Variants in CLUL1 observed in about 807,000 individuals in gnomAD.
CLUL1 encodes the protein clusterin like 1.
In CLUL1, 43 loss-of-function variants were observed where a neutral mutation model predicts 49.4. The observed-to-expected ratio is 0.87, with a 90% CI of 0.68 to 1.12. The LOEUF is 1.12. Ranked by LOEUF, CLUL1 falls within the 50% of genes most tolerant of loss-of-function variation. The pLI is 0.00. For synonymous variants in CLUL1, 192 were observed against 184.9 expected (o/e 1.04, Z -0.31); for missense variants, 486 against 544.4 (o/e 0.89, Z 1.07).
At chr18:622,456 CAATGCCAGGTTAAT>C (rs2073516756) in intron 4 of CLUL1, among the ~76,000 whole-genome samples, 1 of 152,150 alleles carries the variant, frequency 6.6e-6, no homozygotes, top group Non-Finnish European at 1.5e-5. Context: ...ATGCCTGGCT[CAATGCCAGGTTAAT>C]ATAGCGCTTT....
At chr18:645,520 G>C (rs949567019) in intron 9 of CLUL1, among the ~76,000 whole-genome samples, 1 of 151,946 alleles carries the variant, frequency 6.6e-6, no homozygotes, top group Non-Finnish European at 1.5e-5. Context: ...TGTTGGCCGG[G>C]CGCAGTGGCT....
At chr18:638,501 A>G (rs1335868397) in intron 7 of CLUL1, among the ~76,000 whole-genome samples, 1 of 152,190 alleles carries the variant, frequency 6.6e-6, no homozygotes, top group African/African-American at 2.4e-5. Flanking sequence ...AGAATGTCCT[A>G]ATGTGCTCCC....
chr18:598,365 G>A (rs1032303429), intron 1 of CLUL1: 2 of 391,584 alleles, frequency 5.1e-6, no homozygotes, highest in Middle Eastern at 6.4e-4. Context: ...ACAGTGAGAT[G>A]TGGCTGTTTC....
chr18:597,524 G>A (rs2143897526), intron 1 of CLUL1: 1 of 152,340 alleles, frequency 6.6e-6, no homozygotes, highest in East Asian at 1.9e-4. Flanking sequence ...TCAGGAGTTG[G>A]AGGCCAGCCT....
Position 626,203 on chromosome 18 carries a change from C to G in CLUL1, c.424-894C>G, listed in dbSNP as rs575263320. ...TCTTGGCTTACTGCAGCCTCCACCT[C>G]CTGGGTTCAAGTGATTCTCCTGCCT... On this transcript the variant is annotated intron_variant, in intron 5 of 9. Transcript: ENST00000692774. 5.3e-5 allele frequency among the ~76,000 whole-genome samples: 8 copies of G among 152,248 alleles called. No homozygotes were observed. The East Asian group carries it at 1.5e-3, about 29-fold the overall frequency.
At chr18:610,834 C>T (rs2073112752) in intron 2 of CLUL1, among the ~76,000 whole-genome samples, 1 of 151,898 alleles carries the variant, frequency 6.6e-6, no homozygotes, top group Non-Finnish European at 1.5e-5. Flanking sequence ...TCCAGGAGTT[C>T]GAGACCAGCC....
intron 7 of CLUL1, 72 bp from the exon 8 acceptor site, chr18:641,255 C>T: frequency 2.3e-6 from 3 of 1,293,872 alleles, no homozygotes; most frequent in Non-Finnish European, 3.3e-6. Context: ...AGGGCTGGGA[C>T]TTAAGCCCAT....
intron 9 of CLUL1, among the ~76,000 whole-genome samples, chr18:647,550 C>A (rs1320148129): frequency 6.6e-6 from 1 of 152,148 alleles, no homozygotes; most frequent in Non-Finnish European, 1.5e-5. Context: ...GAAGCAGCTG[C>A]AGTTGTTTTT....
intron 9 of CLUL1, among the ~76,000 whole-genome samples, chr18:646,013 G>GTAA (rs1238581980): frequency 6.6e-6 from 1 of 150,938 alleles, no homozygotes; most frequent in Non-Finnish European, 1.5e-5. Flanking sequence ...AGTCTTGGAG[G>GTAA]TAATAGTATT....
In CLUL1 at chr18:641,311, C is replaced by T; in HGVS notation, c.995-16C>T. Reference sequence around the variant, plus strand: ...ATGGACTTTTTCCTTCTCCACATTACTTTCTTCTCTGCTAGACTGTCCTGA... The same window carrying T: ...ATGGACTTTTTCCTTCTCCACATTATTTTCTTCTCTGCTAGACTGTCCTGA... On this transcript the variant is annotated splice_polypyrimidine_tract_variant and intron_variant, in intron 7 of 9. Coordinates refer to ENST00000692774, the MANE Select transcript of CLUL1 (RefSeq NM_001393344.1). The T allele has an allele frequency of 6.2e-7, 1 of 1,612,136 alleles. No individual in the cohort carries two copies. The highest frequency in any genetic ancestry group is 1.3e-5 in the African/African-American group (1 of 75,022).
chr18:633,741 A>G (rs1160933905), intron 7 of CLUL1, among the ~76,000 whole-genome samples: 2 of 152,002 alleles, frequency 1.3e-5, no homozygotes, highest in East Asian at 3.9e-4. Context: ...GCTAATTTAA[A>G]GAGAGTGACG....
chr18:637,302 A>C (rs371403893), intron 7 of CLUL1, among the ~76,000 whole-genome samples: 1 of 151,748 alleles, frequency 6.6e-6, no homozygotes, highest in East Asian at 1.9e-4. Flanking sequence ...CTGGGTTCTT[A>C]TTGACACTGA....
At chr18:619,019 G>T (rs1455651982) in intron 3 of CLUL1, among the ~76,000 whole-genome samples, 194 bp from the exon 4 acceptor site, 2 of 152,178 alleles carry the variant, frequency 1.3e-5, no homozygotes, top group African/African-American at 4.8e-5. Flanking sequence ...TCACAAGTGA[G>T]GAGTAGAAGG....
chr18:625,293 T>A (rs1310677614), intron 5 of CLUL1, among the ~76,000 whole-genome samples: 1 of 152,176 alleles, frequency 6.6e-6, no homozygotes, highest in Non-Finnish European at 1.5e-5. Flanking sequence ...TTTGTGAACA[T>A]GTTCCCACTA....
intron 2 of CLUL1, among the ~76,000 whole-genome samples, chr18:614,128 T>C (rs2073220929): frequency 3.9e-5 from 6 of 152,236 alleles, no homozygotes; most frequent in Admixed American, 3.9e-4. Context: ...CAGTGATCTT[T>C]ATGTCCATCG....
At position 598,481 on chromosome 18, in the gene CLUL1, C is replaced by T. The variant is rs113942348; in HGVS notation, c.-136+1352C>T. On this transcript the variant is annotated intron_variant, in intron 1 of 9. Transcript: ENST00000692774. ...CTTGAGTCTCAAGGCTGCCTGAGTT[C>T]CTCTCTAACATCCTCTAGGCAGTAT... The T allele has an allele frequency of 1.7e-3, 692 of 398,504 alleles. 5 individuals carry two copies. Among genetic ancestry groups the T allele is most frequent in the African/African-American group, 0.013 (639 of 48,740 alleles). 24.7% of individuals were successfully genotyped at this position (398,504 alleles called of 1,614,324 possible).
intron 1 of CLUL1, among the ~76,000 whole-genome samples, chr18:605,121 A>G (rs1182339153): frequency 6.6e-6 from 1 of 152,246 alleles, no homozygotes; most frequent in Non-Finnish European, 1.5e-5. Flanking sequence ...ATCATTTTAA[A>G]TATTTAAGTA....
chr18:624,202 G>A (rs775505244), intron 4 of CLUL1, among the ~76,000 whole-genome samples: 3 of 151,908 alleles, frequency 2.0e-5, no homozygotes, highest in Non-Finnish European at 2.9e-5. Flanking sequence ...ACCACAAGGG[G>A]GAGCACTGGG....
At chr18:642,285 A>G (rs1181758683) in intron 8 of CLUL1, among the ~76,000 whole-genome samples, 1 of 152,142 alleles carries the variant, frequency 6.6e-6, no homozygotes, top group Admixed American at 6.5e-5. Flanking sequence ...ATAAAAAATT[A>G]GCCAAGTGTG....
Sources: allele counts gnomAD v4.1 joint callset (sites outside exome capture counted in the v4.1 genomes callset), GRCh38; gene constraint gnomAD v4.1.1; transcripts MANE v1.5; gene names NCBI Gene and HGNC (gene_info 2026-07-23, HGNC 2026-07-21).